Variants in RBM41 observed in about 807,000 individuals in gnomAD.
RBM41 encodes the protein RNA-binding protein 41.
Under a neutral mutation model 30.8 loss-of-function variants are expected in RBM41, and 14 were observed. That is an observed-to-expected ratio of 0.45 (90% CI 0.30 to 0.71). The LOEUF is 0.71. RBM41 is among the 30% of genes least tolerant of loss of function. The pLI is 0.08. For synonymous variants in RBM41, 120 were observed against 110.1 expected, an observed-to-expected ratio of 1.09 and a Z score of -0.56; for missense variants, 276 against 326.3, an observed-to-expected ratio of 0.85 and a Z score of 1.19.
At chrX:107,087,385 AT>A (rs372529334) in intron 6 of RBM41, among the ~76,000 whole-genome samples, 2 of 110,285 alleles carry the variant, frequency 1.8e-5, no homozygotes, top group Admixed American at 9.6e-5. Context: ...ATCTAGAATG[AT>A]TTTTTTTTAA....
chrX:107,052,705 G>T, the RBM41 span, among the ~76,000 whole-genome samples: 1 of 111,635 alleles, frequency 9.0e-6, no homozygotes, highest in African/African-American at 3.3e-5. Flanking sequence ...AATTCTGGAA[G>T]AGACAAACTT....
intron 5 of RBM41, among the ~76,000 whole-genome samples, chrX:107,111,687 T>C (rs1296310390): frequency 9.0e-6 from 1 of 111,713 alleles, no homozygotes; most frequent in Non-Finnish European, 1.9e-5. Context: ...ATACATACAA[T>C]GGGATATTAT....
chrX:107,111,069 T>C (rs1365942967), intron 5 of RBM41, among the ~76,000 whole-genome samples: 1 of 111,292 alleles, frequency 9.0e-6, no homozygotes, highest in Admixed American at 9.5e-5. Flanking sequence ...TCATCGAAAT[T>C]AAACACTTTG....
intron 6 of RBM41, among the ~76,000 whole-genome samples, chrX:107,070,861 A>G (rs1936032849): frequency 9.1e-6 from 1 of 109,484 alleles, no homozygotes. Context: ...GTCTCTGCAA[A>G]AGAGACAGGG....
At position 107,102,784 on chromosome X, in the gene RBM41, T is replaced by C. The variant is rs202163898; in HGVS notation, c.595+10613A>G. Among the ~76,000 whole-genome samples, 6 of 111,213 alleles carry C rather than the reference T, an allele frequency of 5.4e-5. No individual in the cohort carries two copies. In the East Asian group the frequency reaches 1.7e-3, roughly 31 times the overall value. Reference sequence around the variant, plus strand: ...TGGACAAAGCACTGAGCCCAGAATATTACTCATAGGCCTTGAAAACTAATG... The same window carrying C: ...TGGACAAAGCACTGAGCCCAGAATACTACTCATAGGCCTTGAAAACTAATG... On this transcript the variant is annotated intron_variant, in intron 5 of 7. Coordinates refer to ENST00000685964, the MANE Select transcript of RBM41 (RefSeq NM_001324242.2).
chrX:107,068,339 A>AT, intron 7 of RBM41, among the ~76,000 whole-genome samples: 1 of 111,414 alleles, frequency 9.0e-6, no homozygotes, highest in Non-Finnish European at 1.9e-5. Context: ...TCATATATAT[A>AT]AGTACTACAA....
chrX:107,113,278 C>T (rs1924642377), intron 5 of RBM41, 119 bp downstream of exon 5: 6 of 837,145 alleles, frequency 7.2e-6, no homozygotes, highest in Non-Finnish European at 9.3e-6. Flanking sequence ...ATAATATGCT[C>T]CCTCTGGATC....
rs1935776681 is a variant in RBM41, at chrX:107,064,724, T to C, written c.*2803A>G. The C allele has an allele frequency of 1.8e-5, 2 of 112,243 alleles. No homozygotes were observed. The highest frequency in any genetic ancestry group is 3.2e-5 in the African/African-American group (1 of 30,919). 9.3% of individuals were successfully genotyped at this position (112,243 alleles called of 1,213,427 possible). A position where few individuals can be genotyped will look rare whatever the true frequency, so the allele number is the denominator to read the frequency against. On this transcript the variant is annotated 3_prime_UTR_variant, in exon 8 of 8. Transcript: ENST00000685964. Reference sequence around the variant, plus strand: ...TGACCTATTTTGGAGATGTTTCATATGCACTCGAGAAGAATATGTATTCTG... The same window carrying C: ...TGACCTATTTTGGAGATGTTTCATACGCACTCGAGAAGAATATGTATTCTG...
chrX:107,115,710 A>G, intron 3 of RBM41, 152 bp downstream of exon 3: 1 of 868,830 alleles, frequency 1.2e-6, no homozygotes, highest in Non-Finnish European at 1.6e-6. Context: ...TCTTTTACCA[A>G]TGTCTGCATT....
chrX:107,067,174 C>T lies in RBM41; in HGVS notation c.*353G>A, dbSNP rs998934837. The T allele has an allele frequency of 1.5e-4, 114 of 758,485 alleles. No individual in the cohort carries two copies. Among genetic ancestry groups the T allele is most frequent in the East Asian group, 2.7e-4 (2 of 7,506 alleles). The allele number at this position is 758,485 out of a possible 1,213,427, so 62.5% of individuals were successfully genotyped here. ...AATTAGTTTTTTATTTCTGTGTATACGAAGCAGTCTAAGAAAGAATGTTAT... is the reference window on the plus strand; with the variant it reads ...AATTAGTTTTTTATTTCTGTGTATATGAAGCAGTCTAAGAAAGAATGTTAT... On this transcript the variant is annotated 3_prime_UTR_variant, in exon 8 of 8. Transcript: ENST00000685964.
chrX:107,079,947 C>T (rs1204890225), intron 6 of RBM41, among the ~76,000 whole-genome samples: 1 of 111,801 alleles, frequency 8.9e-6, no homozygotes, highest in Non-Finnish European at 1.9e-5. Flanking sequence ...CTTTTTGTGG[C>T]TGGACATGCA....
At chrX:107,060,049 G>C (rs1399130453), downstream of RBM41, among the ~76,000 whole-genome samples, 1 of 110,737 alleles carries the variant, frequency 9.0e-6, no homozygotes, top group Non-Finnish European at 1.9e-5. Context: ...CAAGGAAGTG[G>C]GCAAAAATTG....
In RBM41 at chrX:107,088,548, G is replaced by A. The variant is rs768394895; in HGVS notation, c.887C>T (p.Thr296Met). 14 of 1,211,215 alleles carry A rather than the reference G, an allele frequency of 1.2e-5. No individual in the cohort carries two copies. Among genetic ancestry groups the A allele is most frequent in the Non-Finnish European group, 1.6e-5 (14 of 895,317 alleles). The stretch of plus-strand genomic sequence containing the variant: ...TTCTGGGACAAATTCTATTGGCTGC[G>A]TCAGCTTCTTAGGCCCAGTCCAACA... ...EQCWTGPKKL[T>M]QPIEFVPEDE... The change falls in exon 6 of 8, where the codon ACG becomes ATG. Residue 296 changes from threonine to methionine, a missense_variant. Thr to Met is a moderately conservative substitution (Grantham distance 81). Transcript: ENST00000685964.
intron 5 of RBM41, among the ~76,000 whole-genome samples, chrX:107,104,522 A>G (rs1021940339): frequency 4.5e-5 from 5 of 111,588 alleles, no homozygotes; most frequent in Non-Finnish European, 9.4e-5. Flanking sequence ...ATATTATATT[A>G]TCTATTTAAT....
intron 5 of RBM41, among the ~76,000 whole-genome samples, chrX:107,101,927 G>A (rs1278391647): frequency 9.0e-6 from 1 of 111,631 alleles, no homozygotes; most frequent in Non-Finnish European, 1.9e-5. Context: ...ATTACATTGA[G>A]GAGATTGTTG....
At chrX:107,056,563 A>T in the RBM41 span, among the ~76,000 whole-genome samples, 2 of 111,645 alleles carry the variant, frequency 1.8e-5, no homozygotes, top group Non-Finnish European at 3.8e-5. Flanking sequence ...ATCTCTTGTT[A>T]TAAGTCTATT....
the RBM41 span, among the ~76,000 whole-genome samples, chrX:107,054,588 C>T: frequency 3.1e-4 from 35 of 111,617 alleles, 1 homozygote; most frequent in Admixed American, 1.3e-3. Context: ...GCTATTTCGC[C>T]GTACCTGGGA....
the RBM41 span, among the ~76,000 whole-genome samples, chrX:107,053,915 T>TA: frequency 1.8e-5 from 2 of 111,567 alleles, no homozygotes; most frequent in Non-Finnish European, 3.8e-5. Flanking sequence ...GTGGCAGAGT[T>TA]ATAGCAGTTG....
chrX:107,072,482 C>T (rs1936099257), intron 6 of RBM41, among the ~76,000 whole-genome samples: 1 of 111,546 alleles, frequency 9.0e-6, no homozygotes, highest in East Asian at 2.8e-4. Flanking sequence ...CTACAAAACA[C>T]TGATGAAAGA....
Sources: allele counts gnomAD v4.1 joint callset (sites outside exome capture counted in the v4.1 genomes callset), GRCh38; gene constraint gnomAD v4.1.1; transcripts MANE v1.5; gene names NCBI Gene and HGNC (gene_info 2026-07-23, HGNC 2026-07-21).